WDR7: variants seen among roughly 807,000 people sequenced by gnomAD.
The protein encoded by WDR7 is WD repeat domain 7.
In WDR7, 46 loss-of-function variants were observed where a neutral mutation model predicts 169.4. The observed-to-expected ratio is 0.27, with a 90% CI of 0.21 to 0.35. The LOEUF (loss-of-function observed/expected upper bound fraction) is 0.35. Ranked by LOEUF, WDR7 falls within the 10% of genes least tolerant of loss-of-function variation. The pLI is 1.00. For synonymous variants in WDR7, 612 were observed against 666.8 expected, an observed-to-expected ratio of 0.92 and a Z score of 1.27; for missense variants, 1,534 against 1,859.3, an observed-to-expected ratio of 0.83 and a Z score of 3.22.
chr18:56,829,961 G>A (rs2045280436), intron 20 of WDR7, among the ~76,000 whole-genome samples: 1 of 152,178 alleles, frequency 6.6e-6, no homozygotes, highest in Admixed American at 6.6e-5. Context: ...TAACAACACA[G>A]AGTTTTCTAA....
chr18:57,034,435 GT>G (rs1196740098), downstream of WDR7: 2 of 152,032 alleles, frequency 1.3e-5, no homozygotes, highest in African/African-American at 4.8e-5. Context: ...CTCACACATA[GT>G]CTGCATCCCA....
At chr18:56,782,920 C>T (rs1019051200) in intron 19 of WDR7, among the ~76,000 whole-genome samples, 2 of 152,084 alleles carry the variant, frequency 1.3e-5, no homozygotes, top group African/African-American at 4.8e-5. Context: ...ATGTGTGTGG[C>T]ATGAGTTAAT....
intron 13 of WDR7, among the ~76,000 whole-genome samples, chr18:56,725,266 C>T (rs1310081085): frequency 2.0e-5 from 3 of 150,662 alleles, no homozygotes; most frequent in Admixed American, 6.6e-5. Context: ...TTACAGTCCC[C>T]CAACAGTGTA....
intron 21 of WDR7, among the ~76,000 whole-genome samples, chr18:56,884,758 T>C (rs1242391649): frequency 1.3e-5 from 2 of 152,166 alleles, no homozygotes; most frequent in African/African-American, 2.4e-5. Context: ...TCTAGGGCCC[T>C]ACCCACCACC....
chr18:57,002,589 G>A lies in WDR7; in HGVS notation c.4165-18156G>A, dbSNP rs190162285. On this transcript the variant is annotated intron_variant, in intron 26 of 27. Coordinates refer to ENST00000254442, the MANE Select transcript of WDR7 (RefSeq NM_015285.3). ...TATTCTATAAGCGAAAAGAGACTAAGAAAGTAAGATAACTTGTTGGCTGTC... is the reference window on the plus strand; with the variant it reads ...TATTCTATAAGCGAAAAGAGACTAAAAAAGTAAGATAACTTGTTGGCTGTC... Among the ~76,000 whole-genome samples the A allele has an allele frequency of 1.6e-3, 249 of 152,278 alleles. 2 individuals are homozygous for A. The highest frequency in any genetic ancestry group is 6.8e-3 in the Middle Eastern group (2 of 294).
chr18:56,667,304 A>G (rs2025045598), intron 1 of WDR7, among the ~76,000 whole-genome samples: 1 of 151,690 alleles, frequency 6.6e-6, no homozygotes, highest in Non-Finnish European at 1.5e-5. Flanking sequence ...CAGTACTCTA[A>G]CTTTAGCTAA....
chr18:57,012,843 C>T (rs555204370), intron 26 of WDR7, among the ~76,000 whole-genome samples: 10 of 152,286 alleles, frequency 6.6e-5, no homozygotes, highest in East Asian at 1.9e-4. Context: ...AACAAGTTAT[C>T]GCACCTCCCT....
rs796397013 is a variant in WDR7 at position 57,024,826 on chromosome 18, T to C, written c.4270-2178T>C. Among the ~76,000 whole-genome samples, 49 of 103,184 alleles carry C rather than the reference T, an allele frequency of 4.7e-4. 8 individuals carry two copies. Among genetic ancestry groups the C allele is most frequent in the African/African-American group, 2.1e-3 (48 of 22,562 alleles). The allele number at this position is 103,184 out of a possible 152,430, so 67.7% of individuals were successfully genotyped here. On this transcript the variant is annotated intron_variant, in intron 27 of 27. Coordinates refer to ENST00000254442, the MANE Select transcript of WDR7 (RefSeq NM_015285.3). The stretch of plus-strand genomic sequence containing the variant: ...CTATTCTCAGACAGGAATAGGGATA[T>C]GTGAGCTATGATAGTTATGTCCCTT...
At chr18:56,977,442 C>G (rs1185418958) in intron 26 of WDR7, among the ~76,000 whole-genome samples, 1 of 152,170 alleles carries the variant, frequency 6.6e-6, no homozygotes, top group African/African-American at 2.4e-5. Flanking sequence ...GCCCGCTTCC[C>G]CATGGCTTCA....
intron 1 of WDR7, 130 bp from the exon 2 acceptor site, chr18:56,672,367 T>A: frequency 5.6e-4 from 260 of 463,470 alleles, no homozygotes; most frequent in Middle Eastern, 1.5e-3. Context: ...AAATAATAAA[T>A]ATTTAAGTAG....
intron 19 of WDR7, among the ~76,000 whole-genome samples, chr18:56,810,249 T>G (rs1364407086): frequency 1.3e-5 from 2 of 152,112 alleles, no homozygotes; most frequent in Non-Finnish European, 1.5e-5. Flanking sequence ...TGGTTAAAAT[T>G]AGTTTTAAAT....
intron 26 of WDR7, among the ~76,000 whole-genome samples, chr18:56,992,296 G>A (rs1021682293): frequency 1.3e-5 from 2 of 152,160 alleles, no homozygotes; most frequent in African/African-American, 2.4e-5. Context: ...TTGTCACTTG[G>A]TGAATTTAAA....
chr18:56,658,165 A>G (rs958231948), intron 1 of WDR7, among the ~76,000 whole-genome samples: 1 of 151,990 alleles, frequency 6.6e-6, no homozygotes, highest in Non-Finnish European at 1.5e-5. Context: ...GTGCAGTGGT[A>G]TGATCTCGGC....
chr18:56,844,019 C>T (rs915962324), intron 20 of WDR7, among the ~76,000 whole-genome samples: 7 of 151,874 alleles, frequency 4.6e-5, no homozygotes, highest in Non-Finnish European at 4.4e-5. Flanking sequence ...TACACCACCA[C>T]GCCTGGCTAA....
intron 20 of WDR7, among the ~76,000 whole-genome samples, chr18:56,848,661 T>A (rs568925283): frequency 1.3e-5 from 2 of 152,132 alleles, no homozygotes; most frequent in Admixed American, 6.5e-5. Flanking sequence ...GGTACCCTCC[T>A]CATGGTTATG....
At chr18:56,970,733 C>A (rs2047472420) in intron 26 of WDR7, among the ~76,000 whole-genome samples, 1 of 152,118 alleles carries the variant, frequency 6.6e-6, no homozygotes, top group Admixed American at 6.5e-5. Flanking sequence ...TGGGTGTGGG[C>A]AAATATATAA....
intron 26 of WDR7, among the ~76,000 whole-genome samples, chr18:56,989,637 C>G (rs1344428312): frequency 6.6e-6 from 1 of 152,278 alleles, no homozygotes; most frequent in East Asian, 1.9e-4. Flanking sequence ...GGAAGAATTT[C>G]TATCAACCAA....
intron 16 of WDR7, among the ~76,000 whole-genome samples, chr18:56,773,749 CAAAAG>C (rs1376787633): frequency 6.6e-6 from 1 of 152,036 alleles, no homozygotes; most frequent in African/African-American, 2.4e-5. Context: ...AGTATTGACA[CAAAAG>C]AAAACTTATA....
chr18:56,770,041 A>C (rs1021242736), intron 16 of WDR7, among the ~76,000 whole-genome samples: 3 of 152,096 alleles, frequency 2.0e-5, no homozygotes, highest in Non-Finnish European at 2.9e-5. Flanking sequence ...GCTGATACAT[A>C]GAAGGAGCTC....
Sources: allele counts gnomAD v4.1 joint callset (sites outside exome capture counted in the v4.1 genomes callset), GRCh38; gene constraint gnomAD v4.1.1; transcripts MANE v1.5; gene names NCBI Gene and HGNC (gene_info 2026-07-23, HGNC 2026-07-21).